Variants in ARHGAP35 observed in about 807,000 individuals in gnomAD.
ARHGAP35 encodes the protein rho GTPase-activating protein 35.
Under a neutral mutation model 111.1 loss-of-function variants are expected in ARHGAP35, and 15 were observed. The observed-to-expected ratio is 0.13, with a 90% CI of 0.09 to 0.21. The LOEUF (loss-of-function observed/expected upper bound fraction) is 0.21, where lower values mean the gene tolerates loss of function less well. Among genes scored for constraint, ARHGAP35 ranks in the 10% least tolerant of loss-of-function variants. The probability of loss-of-function intolerance (pLI) is 1.00; values close to 1 mark genes in which losing one functional copy is unlikely to be tolerated. For synonymous variants in ARHGAP35, 643 were observed against 710.3 expected, an observed-to-expected ratio of 0.91 and a Z score of 1.51; for missense variants, 1,262 against 1,873.0, an observed-to-expected ratio of 0.67 and a Z score of 6.02.
intron 3 of ARHGAP35, among the ~76,000 whole-genome samples, chr19:46,965,715 G>A (rs556074355): frequency 1.1e-4 from 16 of 152,158 alleles, no homozygotes; most frequent in Admixed American, 3.3e-4. Flanking sequence ...CAACTCCTGC[G>A]CTCAAGTGAC....
At chr19:46,875,164 T>C (rs1164559282) in intron 1 of ARHGAP35, among the ~76,000 whole-genome samples, 1 of 152,050 alleles carries the variant, frequency 6.6e-6, no homozygotes, top group Non-Finnish European at 1.5e-5. Flanking sequence ...TTTGGTTTTA[T>C]TGTTGTTTTT....
chr19:46,992,310 T>C lies in ARHGAP35; in HGVS notation c.4036+2635T>C, dbSNP rs1215900003. 6.6e-6 allele frequency among the ~76,000 whole-genome samples: 1 copy of C among 152,172 alleles called. No individual in the cohort carries two copies. Among genetic ancestry groups the C allele is most frequent in the Non-Finnish European group, 1.5e-5 (1 of 68,034 alleles). ...CGCTAGGGAGTGGCAAGCCGGGGCTTGAGTCCCTGCGTACGTGGGTGCAAA... is the reference window on the plus strand; with the variant it reads ...CGCTAGGGAGTGGCAAGCCGGGGCTCGAGTCCCTGCGTACGTGGGTGCAAA... On this transcript the variant is annotated intron_variant, in intron 5 of 6. Coordinates refer to ENST00000672722, the MANE Select transcript of ARHGAP35 (RefSeq NM_004491.5). The surrounding 1 kb of genome is among the most constrained non-coding windows in gnomAD (Gnocchi z 4.4).
chr19:46,949,649 C>A (rs2056400826), intron 3 of ARHGAP35, among the ~76,000 whole-genome samples: 1 of 152,190 alleles, frequency 6.6e-6, no homozygotes, highest in African/African-American at 2.4e-5. Flanking sequence ...AGCTGACACC[C>A]CACCTTTGCC....
At chr19:46,872,689 G>C (rs1222470073) in intron 1 of ARHGAP35, among the ~76,000 whole-genome samples, 1 of 151,968 alleles carries the variant, frequency 6.6e-6, no homozygotes, top group Non-Finnish European at 1.5e-5. Context: ...GACCGTCCTG[G>C]CTAACACGGT....
intron 3 of ARHGAP35, among the ~76,000 whole-genome samples, chr19:46,970,461 T>C (rs1467837075): frequency 2.0e-5 from 3 of 152,152 alleles, no homozygotes; most frequent in Non-Finnish European, 4.4e-5. Context: ...CTAAGGTCTG[T>C]GGATAGGCTA....
chr19:46,923,588 C>G (rs185782784), intron 2 of ARHGAP35, among the ~76,000 whole-genome samples: 1 of 151,548 alleles, frequency 6.6e-6, no homozygotes, highest in Non-Finnish European at 1.5e-5. Flanking sequence ...TCTTCCCCCC[C>G]ACCCCCAATT....
rs530146583 is a variant in ARHGAP35, at chr19:46,888,210, C to A, written c.-189+27001C>A. 7.4e-3 allele frequency among the ~76,000 whole-genome samples: 1,019 copies of A among 137,364 alleles called. 7 individuals are homozygous for A. The highest frequency in any genetic ancestry group is 0.031 in the Middle Eastern group (8 of 262). 90.1% of individuals were successfully genotyped at this position (137,364 alleles called of 152,430 possible). On this transcript the variant is annotated intron_variant, in intron 1 of 6. Coordinates refer to ENST00000672722, the MANE Select transcript of ARHGAP35 (RefSeq NM_004491.5). ...CTTGTGATCCGCCCACCTCGGCCTC[C>A]CAAAGTGCTGGGGTTACAGGCGTAA...
chr19:46,887,240 G>C (rs982271400), intron 1 of ARHGAP35, among the ~76,000 whole-genome samples: 4 of 152,138 alleles, frequency 2.6e-5, no homozygotes, highest in African/African-American at 9.7e-5. Context: ...TGATGAAAAT[G>C]ATAAAACCGT....
At chr19:46,979,686 A>G (rs951232732) in intron 3 of ARHGAP35, among the ~76,000 whole-genome samples, 2 of 152,126 alleles carry the variant, frequency 1.3e-5, no homozygotes, top group African/African-American at 4.8e-5. Flanking sequence ...GATTTATGAC[A>G]TGGCCGTGTG....
chr19:46,889,156 C>A (rs2056011117), intron 1 of ARHGAP35, among the ~76,000 whole-genome samples: 1 of 151,964 alleles, frequency 6.6e-6, no homozygotes, highest in Non-Finnish European at 1.5e-5. Flanking sequence ...CCTGTCTCTA[C>A]TAAAAATACA....
chr19:46,969,808 G>A (rs940269000), intron 3 of ARHGAP35, among the ~76,000 whole-genome samples: 5 of 152,116 alleles, frequency 3.3e-5, no homozygotes, highest in Non-Finnish European at 7.4e-5. Context: ...GGCTGGATTC[G>A]AGGACTTTGT....
rs757285898 is a variant in ARHGAP35, at chr19:46,922,244, A to G, written c.3569A>G (p.Glu1190Gly). The G allele has an allele frequency of 1.2e-6, 2 of 1,614,020 alleles. No homozygotes were observed. Among genetic ancestry groups the G allele is most frequent in the South Asian group, 1.1e-5 (1 of 91,086 alleles). The change falls in exon 2 of 7, where the codon GAG (glutamate) becomes GGG (glycine). Residue 1190 changes from glutamate to glycine, a missense_variant. Physicochemically the swap from Glu to Gly is moderately conservative, Grantham distance 98. This residue lies in a region of ARHGAP35 where 579 missense variants were observed against 716.9 expected (regional missense o/e 0.81). Coordinates refer to ENST00000672722, the MANE Select transcript of ARHGAP35 (RefSeq NM_004491.5). The surrounding 1 kb of genome is among the most constrained non-coding windows in gnomAD (Gnocchi z 4.0). The stretch of plus-strand genomic sequence containing the variant: ...GAGCTGGGGCCCATCCGGAAGAAAG[A>G]GGAGGATCAGGCATCCCAGGGTTAT... ...DDELGPIRKK[E>G]EDQASQGYKG...
chr19:46,987,449 A>G (rs2056657163), intron 3 of ARHGAP35, among the ~76,000 whole-genome samples: 1 of 151,772 alleles, frequency 6.6e-6, no homozygotes, highest in South Asian at 2.1e-4. Flanking sequence ...TCCTGACCTC[A>G]AGTGATCCTC....
chr19:46,979,257 T>TG (rs2056606997), intron 3 of ARHGAP35, among the ~76,000 whole-genome samples: 1 of 152,052 alleles, frequency 6.6e-6, no homozygotes. Context: ...TGGGCCTGCG[T>TG]GGGCATGCCA....
intron 1 of ARHGAP35, among the ~76,000 whole-genome samples, chr19:46,879,331 A>G (rs2055944751): frequency 6.6e-6 from 1 of 151,934 alleles, no homozygotes; most frequent in African/African-American, 2.4e-5. Context: ...GCTCACACCT[A>G]TAATCCCAGC....
At position 46,992,905 on chromosome 19, in the gene ARHGAP35, G is replaced by T. The variant is rs1237880591; in HGVS notation, c.4036+3230G>T. ...AGGGGACGGCCCTGCTGCTCTCTGGGCTCTTGTTCACCAGCTGCCTTGGGA... is the reference window on the plus strand; with the variant it reads ...AGGGGACGGCCCTGCTGCTCTCTGGTCTCTTGTTCACCAGCTGCCTTGGGA... On this transcript the variant is annotated intron_variant, in intron 5 of 6. Transcript: ENST00000672722. The surrounding 1 kb of genome is among the most constrained non-coding windows in gnomAD (Gnocchi z 4.4). Among the ~76,000 whole-genome samples, 1 of 152,200 alleles carries T rather than the reference G, an allele frequency of 6.6e-6. No individual in the cohort carries two copies. Among genetic ancestry groups the T allele is most frequent in the Non-Finnish European group, 1.5e-5 (1 of 68,040 alleles).
Position 46,988,265 on chromosome 19 carries a change from C to A in ARHGAP35, c.3904+199C>A, listed in dbSNP as rs557505258. 29 of 559,552 alleles carry A rather than the reference C, an allele frequency of 5.2e-5. No homozygotes were observed. The highest frequency in any genetic ancestry group is 8.7e-5 in the Non-Finnish European group (27 of 310,894). 34.7% of individuals were successfully genotyped at this position (559,552 alleles called of 1,614,324 possible). A position where few individuals can be genotyped will look rare whatever the true frequency, so the allele number is the denominator to read the frequency against. ...GGGTCCTGTCAGTGAACCGAAGCAC[C>A]ATCCCTGCCCAAGCTGGGTCATGTA... On this transcript the variant is annotated intron_variant, in intron 4 of 6. Transcript: ENST00000672722. This position sits in a 1 kb window ranked among gnomAD's most constrained non-coding sequence, Gnocchi z 5.4.
In ARHGAP35 at chr19:46,861,051, G is replaced by A. The variant is rs1385263921; in HGVS notation, c.-347G>A. On this transcript the variant is annotated 5_prime_UTR_variant, in exon 1 of 7. Transcript: ENST00000672722. ...AGGAGGAGGTGGAGGAGGCGGAGGA[G>A]GGAACCCGCGAGGGAGGGTCCGCCC... Among the ~76,000 whole-genome samples, 4 of 151,070 alleles carry A rather than the reference G, an allele frequency of 2.6e-5. No homozygotes were observed. Among genetic ancestry groups the A allele is most frequent in the Admixed American group, 6.6e-5 (1 of 15,216 alleles).
chr19:46,914,826 C>G (rs916245226), intron 1 of ARHGAP35, among the ~76,000 whole-genome samples: 3 of 152,148 alleles, frequency 2.0e-5, no homozygotes, highest in Non-Finnish European at 2.9e-5. Context: ...CTTCAGATTT[C>G]TGTGAAGGGA....
Sources: gnomAD v4.1 joint callset for allele counts (sites outside exome capture counted in the v4.1 genomes callset) on GRCh38, gnomAD v4.1.1 for gene constraint, gnomAD v4.1.1 regional missense constraint, Gnocchi (gnomAD v3.1) non-coding constraint, MANE v1.5 for transcripts, NCBI Gene and HGNC (gene_info 2026-07-23, HGNC 2026-07-21) for gene names.